DIS3: variants seen among roughly 807,000 people sequenced by gnomAD.
DIS3 encodes exosome complex exonuclease RRP44.
Under a neutral mutation model 113.0 loss-of-function variants are expected in DIS3, and 103 were observed. The ratio of observed to expected loss-of-function variants is 0.91; its 90% CI spans 0.78 to 1.07. The LOEUF is 1.07. DIS3 is among the 50% of genes least tolerant of loss of function. The probability of loss-of-function intolerance (pLI) is 0.00; values close to 1 mark genes in which losing one functional copy is unlikely to be tolerated. For missense variants in DIS3, 1,121 were observed against 1,167.1 expected (o/e 0.96, Z 0.58); for synonymous variants, 402 against 394.3 (o/e 1.02, Z -0.23).
chr13:72,761,826 G>C lies in DIS3; in HGVS notation c.2343-12C>G. 1 of 1,608,960 alleles carries C rather than the reference G, an allele frequency of 6.2e-7. No individual in the cohort carries two copies. Among genetic ancestry groups the C allele is most frequent in the Non-Finnish European group, 8.5e-7 (1 of 1,178,638 alleles). On this transcript the variant is annotated splice_polypyrimidine_tract_variant and intron_variant, in intron 17 of 20. Coordinates refer to ENST00000377767, the MANE Select transcript of DIS3 (RefSeq NM_014953.5). ...TGACATCTGCGTATCTAGATAGATG[G>C]AAAAATAAGAACCATGGTATGTCAG...
Position 72,770,990 on chromosome 13 carries a change from T to C in DIS3, c.1671-2A>G. ...TCCCAAATACATGAAAATGCCAGCC[T>C]GTGAAGGAAAATACAGAGTATTTGT... On this transcript the variant is annotated splice_acceptor_variant, in intron 12 of 20. Coordinates refer to ENST00000377767, the MANE Select transcript of DIS3 (RefSeq NM_014953.5). LOFTEE classifies it high-confidence loss of function. 1 of 1,604,452 alleles carries C rather than the reference T, an allele frequency of 6.2e-7. No individual in the cohort carries two copies. The highest frequency in any genetic ancestry group is 8.5e-7 in the Non-Finnish European group (1 of 1,175,094).
At position 72,754,846 on chromosome 13, in the gene DIS3, G is replaced by A; in HGVS notation, c.*4949C>T. Reference sequence around the variant, plus strand: ...TCTTACCACCTCAGCCTCCTGAGTAGCTAGGGCTACAGGCATGTGCCACCA... The same window carrying A: ...TCTTACCACCTCAGCCTCCTGAGTAACTAGGGCTACAGGCATGTGCCACCA... On this transcript the variant is annotated 3_prime_UTR_variant, in exon 21 of 21. Coordinates refer to ENST00000377767, the MANE Select transcript of DIS3 (RefSeq NM_014953.5). 2 of 251,704 alleles carry A rather than the reference G, an allele frequency of 7.9e-6. No individual in the cohort carries two copies. Among genetic ancestry groups the A allele is most frequent in the South Asian group, 6.6e-5 (1 of 15,078 alleles). 15.6% of individuals were successfully genotyped at this position (251,704 alleles called of 1,614,324 possible).
chr13:72,773,911 ATT>A, intron 7 of DIS3, 33 bp downstream of exon 7: 1 of 1,586,810 alleles, frequency 6.3e-7, no homozygotes, highest in Non-Finnish European at 8.6e-7. Flanking sequence ...AATGTTTATC[ATT>A]TTTTTATTAC....
At position 72,763,434 on chromosome 13, in the gene DIS3, A is replaced by G; in HGVS notation, c.2127+17T>C. The stretch of plus-strand genomic sequence containing the variant: ...TCAAAACACAAATAGATGATTTTTC[A>G]AACTGTAGGACCTTACCCTTGACCT... On this transcript the variant is annotated intron_variant, in intron 16 of 20. Transcript: ENST00000377767. The G allele has an allele frequency of 6.4e-7, 1 of 1,573,518 alleles. No homozygotes were observed. The highest frequency in any genetic ancestry group is 8.6e-7 in the Non-Finnish European group (1 of 1,165,606).
intron 13 of DIS3, 71 bp from the exon 14 acceptor site, chr13:72,768,983 C>T: frequency 2.1e-6 from 2 of 961,992 alleles, no homozygotes. Flanking sequence ...TGTCCTCCTA[C>T]TTTCACTACA....
In DIS3 at chr13:72,768,933, T is replaced by C. The variant is rs774394725; in HGVS notation, c.1756-21A>G. ...GATGCCTAAAAAAGAAAATGTATGT[T>C]ATATAATTCTTATAAATGATAGAAA... is the stretch of plus-strand genomic sequence containing the variant. On this transcript the variant is annotated intron_variant, in intron 13 of 20. Transcript: ENST00000377767. 2.0e-6 allele frequency: 3 copies of C among 1,496,734 alleles called. No individual in the cohort carries two copies. The South Asian group carries it at 3.7e-5, about 18-fold the overall frequency. 92.7% of individuals were successfully genotyped at this position (1,496,734 alleles called of 1,614,324 possible). A position where few individuals can be genotyped will look rare whatever the true frequency, so the allele number is the denominator to read the frequency against.
At chr13:72,762,836 A>T (rs968032700) in intron 16 of DIS3, among the ~76,000 whole-genome samples, 3 of 152,334 alleles carry the variant, frequency 2.0e-5, no homozygotes, top group African/African-American at 4.8e-5. Flanking sequence ...ATAAATAAAA[A>T]AAAAAAATAC....
rs1179462224 is a variant in DIS3 at position 72,770,891 on chromosome 13, C to A, written c.1755+13G>T. ...AAGTTTAAAAATTAGAGATTAATAG[C>A]CATGAAACGAACCTTTGAATTAATA... On this transcript the variant is annotated intron_variant, in intron 13 of 20. Coordinates refer to ENST00000377767, the MANE Select transcript of DIS3 (RefSeq NM_014953.5). 33 of 1,565,854 alleles carry A rather than the reference C, an allele frequency of 2.1e-5. No individual in the cohort carries two copies. The highest frequency in any genetic ancestry group is 2.9e-5 in the Non-Finnish European group (33 of 1,155,080).
chr13:72,779,941 AGATT>A (rs1486089020), intron 2 of DIS3, among the ~76,000 whole-genome samples: 3 of 152,178 alleles, frequency 2.0e-5, no homozygotes, highest in Non-Finnish European at 4.4e-5. Flanking sequence ...TACTCATCAT[AGATT>A]ATTTATGTAA....
intron 20 of DIS3, 45 bp downstream of exon 20, chr13:72,760,484 A>G (rs1292391312): frequency 6.2e-7 from 1 of 1,610,924 alleles, no homozygotes; most frequent in Non-Finnish European, 8.5e-7. Flanking sequence ...CAAAATATGT[A>G]CTGTTTGTTC....
chr13:72,762,622 A>G (rs993212870), intron 16 of DIS3, among the ~76,000 whole-genome samples: 7 of 152,168 alleles, frequency 4.6e-5, no homozygotes. Flanking sequence ...GATAGGGCCT[A>G]ACCAGGTAAT....
At position 72,755,352 on chromosome 13, in the gene DIS3, TCAAGGG is replaced by T. The variant is rs1039871559; in HGVS notation, c.*4437_*4442del. 5 of 662,656 alleles carry T rather than the reference TCAAGGG, an allele frequency of 7.5e-6. No individual in the cohort carries two copies. Among genetic ancestry groups the T allele is most frequent in the Admixed American group, 2.7e-5 (1 of 36,380 alleles). 41.0% of individuals were successfully genotyped at this position (662,656 alleles called of 1,614,324 possible). A position where few individuals can be genotyped will look rare whatever the true frequency, so the allele number is the denominator to read the frequency against. ...AGCTTTCCCTCCTTAATGTGAAAAA[TCAAGGG>T]CTTACTGACATAGGAACAACAGAAA... is the stretch of plus-strand genomic sequence containing the variant. On this transcript the variant is annotated 3_prime_UTR_variant, in exon 21 of 21. Transcript: ENST00000377767.
At position 72,761,377 on chromosome 13, in the gene DIS3, T is replaced by C; in HGVS notation, c.2656A>G (p.Ile886Val). 1 of 1,601,736 alleles carries C rather than the reference T, an allele frequency of 6.2e-7. No homozygotes were observed. The highest frequency in any genetic ancestry group is 1.1e-5 in the South Asian group (1 of 87,928). ...EEKDKPNPQL[I>V]YDDEIPSLKI... Reference sequence around the variant, plus strand: ...AAATACCGTACCTCATCATCATAAATAAGCTGTGGGTTTGGTTTGTCCTTT... The same window carrying C: ...AAATACCGTACCTCATCATCATAAACAAGCTGTGGGTTTGGTTTGTCCTTT... Residue 886 changes from isoleucine (I) to valine (V), a missense_variant, in exon 19 of 21, where the codon ATT (isoleucine) becomes GTT (valine). By Grantham distance (29) the Ile-to-Val change is conservative (BLOSUM62 3). Transcript: ENST00000377767.
At chr13:72,779,067 T>C (rs1275226547) in intron 2 of DIS3, among the ~76,000 whole-genome samples, 1 of 152,114 alleles carries the variant, frequency 6.6e-6, no homozygotes, top group African/African-American at 2.4e-5. Flanking sequence ...TAATTTGATT[T>C]ATATTAATAG....
At position 72,768,562 on chromosome 13, in the gene DIS3, C is replaced by T. The variant is rs140187573; in HGVS notation, c.1883+223G>A. 5.8e-3 allele frequency among the ~76,000 whole-genome samples: 885 copies of T among 152,146 alleles called. 10 individuals carry two copies. Among genetic ancestry groups the T allele is most frequent in the African/African-American group, 0.019 (803 of 41,506 alleles). ...CTACTTGAACGACAGGAGAATTGTTCGAATTCGGGAGGCAGAGGTTACAGT... is the reference window on the plus strand; with the variant it reads ...CTACTTGAACGACAGGAGAATTGTTTGAATTCGGGAGGCAGAGGTTACAGT... On this transcript the variant is annotated intron_variant, in intron 14 of 20. Transcript: ENST00000377767.
rs147262519 is a variant in DIS3 at position 72,763,791 on chromosome 13, C to T, written c.1971-184G>A. Among the ~76,000 whole-genome samples the T allele has an allele frequency of 2.5e-3, 374 of 152,216 alleles. 1 individual carries two copies. Among genetic ancestry groups the T allele is most frequent in the African/African-American group, 8.4e-3 (348 of 41,540 alleles). On this transcript the variant is annotated intron_variant, in intron 15 of 20. Coordinates refer to ENST00000377767, the MANE Select transcript of DIS3 (RefSeq NM_014953.5). ...TGATTCTTTCATCTCTCAGTTACTC[C>T]GCTAACAATCTCTTATTATGCAACT...
At chr13:72,774,143 G>A in intron 6 of DIS3, 84 bp from the exon 7 acceptor site, 1 of 805,278 alleles carries the variant, frequency 1.2e-6, no homozygotes, top group South Asian at 1.8e-5. Context: ...ATGCATACAT[G>A]GATACTAATC....
At position 72,755,170 on chromosome 13, in the gene DIS3, G is replaced by T. The variant is rs779794480; in HGVS notation, c.*4625C>A. The T allele has an allele frequency of 6.2e-7, 1 of 1,613,764 alleles. No homozygotes were observed. The highest frequency in any genetic ancestry group is 1.7e-5 in the Admixed American group (1 of 60,016). On this transcript the variant is annotated 3_prime_UTR_variant, in exon 21 of 21. Coordinates refer to ENST00000377767, the MANE Select transcript of DIS3 (RefSeq NM_014953.5). ...TCACAGCAAGACCACACAACACAGA[G>T]GTGTTGGATGAAAACAGCAAGCCCT...
Position 72,775,944 on chromosome 13 carries a change from T to C in DIS3, c.803A>G (p.Asp268Gly). The change falls in exon 5 of 21, where the codon GAC (aspartate) becomes GGC (glycine). Residue 268 changes from aspartate (D) to glycine (G), a missense_variant. Transcript: ENST00000377767. ...ACTTGCCTCTTTATTTTCTTCATTG[T>C]CGCCATGAATCCATACTGTAGCTTC... is the stretch of plus-strand genomic sequence containing the variant. ...YLEATVWIHG[D>G]NEENKEIILQ... 1 of 1,605,036 alleles carries C rather than the reference T, an allele frequency of 6.2e-7. No individual in the cohort carries two copies. Among genetic ancestry groups the C allele is most frequent in the Non-Finnish European group, 8.5e-7 (1 of 1,177,922 alleles).
Sources: allele counts gnomAD v4.1 joint callset (sites outside exome capture counted in the v4.1 genomes callset), GRCh38; gene constraint gnomAD v4.1.1; transcripts MANE v1.5; gene names NCBI Gene and HGNC (gene_info 2026-07-23, HGNC 2026-07-21).